TMA7: variants seen among roughly 807,000 people sequenced by gnomAD.
TMA7 encodes the protein translation machinery-associated protein 7.
A neutral mutation model predicts 12.5 loss-of-function variants in TMA7; 5 were observed. The observed-to-expected ratio is 0.40, with a 90% CI of 0.21 to 0.84. TMA7 has a LOEUF of 0.84. Among genes scored for constraint, TMA7 ranks in the 40% least tolerant of loss-of-function variants. The pLI is 0.36. For synonymous variants in TMA7, 36 were observed against 28.1 expected, an observed-to-expected ratio of 1.28 and a Z score of -0.89; for missense variants, 71 against 75.4, an observed-to-expected ratio of 0.94 and a Z score of 0.22.
intron 3 of TMA7, among the ~76,000 whole-genome samples, chr3:48,442,739 C>T (rs573940194): frequency 3.7e-4 from 57 of 152,228 alleles, no homozygotes; most frequent in Middle Eastern, 3.4e-3. Flanking sequence ...CGTGAGCCAC[C>T]GCGCCTGGCC....
Position 48,440,283 on chromosome 3 carries a change from C to T in TMA7, c.-14C>T, listed in dbSNP as rs368160492. The T allele has an allele frequency of 1.3e-5, 20 of 1,599,524 alleles. No homozygotes were observed. The highest frequency in any genetic ancestry group is 1.7e-5 in the Admixed American group (1 of 59,204). ...TTTCCGGTGGCAGGGTCTGGGGAAG[C>T]GGCGGCAGGCGCCATGTCCGGCCGC... On this transcript the variant is annotated 5_prime_UTR_variant, in exon 1 of 4. Coordinates refer to ENST00000438607, the MANE Select transcript of TMA7 (RefSeq NM_015933.6).
rs768458123 is a variant in TMA7, at chr3:48,440,308, C to G, written c.12C>G (p.Arg4=). 1.9e-6 allele frequency: 3 copies of G among 1,607,976 alleles called. No homozygotes were observed. The highest frequency in any genetic ancestry group is 1.7e-5 in the Admixed American group (1 of 59,694). MSG[R]EGGKKKPLKQ... is the part of the protein sequence containing the mutation. ...CGGCGGCAGGCGCCATGTCCGGCCG[C>G]GAAGGTAAGTGTTCCGGAACCGTGA... The change falls in exon 1 of 4, where the codon CGC becomes CGG. Residue 4 remains arginine, a synonymous_variant. Transcript: ENST00000438607.
Position 48,440,409 on chromosome 3 carries a change from A to G in TMA7, c.23A>G (p.Lys8Arg). 1 of 1,611,752 alleles carries G rather than the reference A, an allele frequency of 6.2e-7. No homozygotes were observed. The highest frequency in any genetic ancestry group is 8.5e-7 in the Non-Finnish European group (1 of 1,179,774). ...GTGCTCGTGTCGCCCACAGGTGGCAAGAAGAAGCCACTGAAACAGCCCAAG... is the reference window on the plus strand; with the variant it reads ...GTGCTCGTGTCGCCCACAGGTGGCAGGAAGAAGCCACTGAAACAGCCCAAG... Reference protein sequence around the residue: MSGREGGKKKPLKQPKKQ... With the variant: MSGREGGRKKPLKQPKKQ... Residue 8 changes from lysine (K) to arginine (R), a missense_variant, in exon 2 of 4, where the codon AAG becomes AGG. By Grantham distance (26) the Lys-to-Arg change is conservative (BLOSUM62 2). Transcript: ENST00000438607.
At chr3:48,443,049 G>C (rs988016334) in intron 3 of TMA7, among the ~76,000 whole-genome samples, 2 of 151,740 alleles carry the variant, frequency 1.3e-5, no homozygotes, top group Non-Finnish European at 2.9e-5. Flanking sequence ...AGACCTGCCT[G>C]GCCAACATGG....
At chr3:48,443,787 C>T (rs1418885602) in intron 3 of TMA7, 61 bp from the exon 4 acceptor site, 7 of 1,423,834 alleles carry the variant, frequency 4.9e-6, no homozygotes, top group South Asian at 2.9e-5. Context: ...ACAGCAGGCC[C>T]GTGGGGCTTC....
At chr3:48,441,684 A>AT (rs1187033398) in intron 3 of TMA7, among the ~76,000 whole-genome samples, 5 of 152,162 alleles carry the variant, frequency 3.3e-5, no homozygotes, top group Admixed American at 2.0e-4. Context: ...ACATTTCAAA[A>AT]TATTTTTCAG....
At chr3:48,441,182 A>AT (rs1026289807) in intron 3 of TMA7, 365 of 146,710 alleles carry the variant, frequency 2.5e-3, no homozygotes, top group South Asian at 5.8e-3. Context: ...CGCCTGGCTA[A>AT]TTTTTTTTTT....
In TMA7 at chr3:48,440,423, A is replaced by G; in HGVS notation, c.37A>G (p.Lys13Glu). The stretch of plus-strand genomic sequence containing the variant: ...CACAGGTGGCAAGAAGAAGCCACTG[A>G]AACAGCCCAAGAAGCAGGCCAAGGA... ...GREGGKKKPL[K>E]QPKKQAKEMD... The change falls in exon 2 of 4, where the codon AAA becomes GAA. Residue 13 changes from lysine to glutamate, a missense_variant. Lys to Glu is a moderately conservative substitution (Grantham distance 56). Coordinates refer to ENST00000438607, the MANE Select transcript of TMA7 (RefSeq NM_015933.6). 1 of 1,612,600 alleles carries G rather than the reference A, an allele frequency of 6.2e-7. No individual in the cohort carries two copies. Among genetic ancestry groups the G allele is most frequent in the Non-Finnish European group, 8.5e-7 (1 of 1,179,836 alleles).
At chr3:48,443,799 A>G (rs1234703089) in intron 3 of TMA7, 49 bp from the exon 4 acceptor site, 7 of 1,503,230 alleles carry the variant, frequency 4.7e-6, no homozygotes, top group Non-Finnish European at 4.4e-6. Context: ...TGGGGCTTCT[A>G]CCGTAAGAAC....
Position 48,440,315 on chromosome 3 carries a change from A to C in TMA7, c.16+3A>C. 6.2e-7 allele frequency: 1 copy of C among 1,609,966 alleles called. No homozygotes were observed. The highest frequency in any genetic ancestry group is 1.1e-5 in the South Asian group (1 of 90,978). The stretch of plus-strand genomic sequence containing the variant: ...AGGCGCCATGTCCGGCCGCGAAGGT[A>C]AGTGTTCCGGAACCGTGAGGACTGC... On this transcript the variant is annotated splice_donor_region_variant and intron_variant, in intron 1 of 3. Coordinates refer to ENST00000438607, the MANE Select transcript of TMA7 (RefSeq NM_015933.6).
Position 48,440,559 on chromosome 3 carries a change from C to A in TMA7, c.91C>A (p.Gln31Lys). The change falls in exon 3 of 4, where the codon CAG (glutamine) becomes AAG (lysine). Residue 31 changes from glutamine to lysine, a missense_variant. Gln to Lys is a moderately conservative substitution (Grantham distance 53, BLOSUM62 1). Coordinates refer to ENST00000438607, the MANE Select transcript of TMA7 (RefSeq NM_015933.6). ...EMDEEDKAFK[Q>K]KQKEEQKKLE... ...TCCCCAGGAAGATAAGGCTTTCAAG[C>A]AGAAACAAAAAGAGGAGCAGAAGAA... is the stretch of plus-strand genomic sequence containing the variant. 6.2e-7 allele frequency: 1 copy of A among 1,611,782 alleles called. No homozygotes were observed.
Position 48,442,083 on chromosome 3 carries a change from C to T in TMA7, c.160+1455C>T, listed in dbSNP as rs1476431347. 8.5e-5 allele frequency among the ~76,000 whole-genome samples: 13 copies of T among 152,094 alleles called. 1 individual carries two copies. In the South Asian group the frequency reaches 2.1e-3, roughly 24 times the overall value. On this transcript the variant is annotated intron_variant, in intron 3 of 3. Coordinates refer to ENST00000438607, the MANE Select transcript of TMA7 (RefSeq NM_015933.6). Reference sequence around the variant, plus strand: ...CAGAAAAAATTTAAAATTAGCTGGGCGTGGTGGTGGTGGCGGCCCGTTTCC... The same window carrying T: ...CAGAAAAAATTTAAAATTAGCTGGGTGTGGTGGTGGTGGCGGCCCGTTTCC...
chr3:48,440,666 G>A (rs759347675), intron 3 of TMA7, 38 bp downstream of exon 3: 167 of 1,579,366 alleles, frequency 1.1e-4, no homozygotes, highest in Middle Eastern at 4.5e-4. Context: ...CTGGCCAAAC[G>A]CTATGAGCAC....
Position 48,440,624 on chromosome 3 carries a change from C to T in TMA7, c.156C>T (p.Pro52=), listed in dbSNP as rs760587663. ...ELKAKAAGKG[P]LATGGIKKSG... is the part of the protein sequence containing the mutation. Reference sequence around the variant, plus strand: ...AAGCGAAGGCCGCGGGGAAGGGGCCCTTGGGTAAGTGGGGGCCGAATGGAG... The same window carrying T: ...AAGCGAAGGCCGCGGGGAAGGGGCCTTTGGGTAAGTGGGGGCCGAATGGAG... The change falls in exon 3 of 4, where the codon CCC becomes CCT. Residue 52 remains proline (P), a synonymous_variant. Transcript: ENST00000438607. 1.2e-6 allele frequency: 2 copies of T among 1,610,940 alleles called. No individual in the cohort carries two copies. The highest frequency in any genetic ancestry group is 1.7e-6 in the Non-Finnish European group (2 of 1,179,454).
Position 48,442,194 on chromosome 3 carries a change from C to G in TMA7, c.160+1566C>G, listed in dbSNP as rs181577084. Among the ~76,000 whole-genome samples the G allele has an allele frequency of 3.3e-5, 5 of 150,668 alleles. No individual in the cohort carries two copies. The East Asian group carries it at 9.8e-4, about 29-fold the overall frequency. On this transcript the variant is annotated intron_variant, in intron 3 of 3. Coordinates refer to ENST00000438607, the MANE Select transcript of TMA7 (RefSeq NM_015933.6). ...AGAGGATTATTTGAGCACGGGAGTTCAGGCTGTAGTGAGCTGGGATTGCGC... is the reference window on the plus strand; with the variant it reads ...AGAGGATTATTTGAGCACGGGAGTTGAGGCTGTAGTGAGCTGGGATTGCGC...
At position 48,440,435 on chromosome 3, in the gene TMA7, AAGC is replaced by A; in HGVS notation, c.52_54del (p.Gln18del). On this transcript the variant is annotated inframe_deletion, in exon 2 of 4. Coordinates refer to ENST00000438607, the MANE Select transcript of TMA7 (RefSeq NM_015933.6). ...GAAGAAGCCACTGAAACAGCCCAAG[AAGC>A]AGGCCAAGGAGATGGACGAGGTGAG... 6.2e-7 allele frequency: 1 copy of A among 1,612,538 alleles called. No homozygotes were observed. Among genetic ancestry groups the A allele is most frequent in the Non-Finnish European group, 8.5e-7 (1 of 1,179,792 alleles).
At chr3:48,442,844 G>A (rs1256074670) in intron 3 of TMA7, among the ~76,000 whole-genome samples, 3 of 152,200 alleles carry the variant, frequency 2.0e-5, no homozygotes, top group Admixed American at 2.0e-4. Context: ...ATCATAATAT[G>A]GAAGGTAGTG....
chr3:48,442,915 T>C (rs1332346117), intron 3 of TMA7, among the ~76,000 whole-genome samples: 1 of 152,136 alleles, frequency 6.6e-6, no homozygotes, highest in African/African-American at 2.4e-5. Flanking sequence ...GATCCTGGCT[T>C]GTCACATACT....
chr3:48,444,098 C>G lies in TMA7; in HGVS notation c.*216C>G, dbSNP rs1372767963. 1 of 383,990 alleles carries G rather than the reference C, an allele frequency of 2.6e-6. No individual in the cohort carries two copies. The highest frequency in any genetic ancestry group is 2.1e-5 in the African/African-American group (1 of 48,208). The allele number at this position is 383,990 out of a possible 1,614,324, so 23.8% of individuals were successfully genotyped here. A position where few individuals can be genotyped will look rare whatever the true frequency, so the allele number is the denominator to read the frequency against. On this transcript the variant is annotated 3_prime_UTR_variant, in exon 4 of 4. Coordinates refer to ENST00000438607, the MANE Select transcript of TMA7 (RefSeq NM_015933.6). ...TTTCACTAAGTCGTTCCTACCATAACTGTGAATTTAAAGTAAAACCAGCTC... is the reference window on the plus strand; with the variant it reads ...TTTCACTAAGTCGTTCCTACCATAAGTGTGAATTTAAAGTAAAACCAGCTC...
Sources: allele counts gnomAD v4.1 joint callset (sites outside exome capture counted in the v4.1 genomes callset), GRCh38; gene constraint gnomAD v4.1.1; transcripts MANE v1.5; gene names NCBI Gene and HGNC (gene_info 2026-07-23, HGNC 2026-07-21).